LRRTM4: variants seen among roughly 807,000 people sequenced by gnomAD.
LRRTM4 encodes the protein leucine-rich repeat transmembrane neuronal protein 4.
A neutral mutation model predicts 47.6 loss-of-function variants in LRRTM4; 25 were observed. The ratio of observed to expected loss-of-function variants is 0.53; its 90% CI spans 0.38 to 0.73. The LOEUF (loss-of-function observed/expected upper bound fraction) is 0.73, where lower values mean the gene tolerates loss of function less well. LRRTM4 is among the 30% of genes least tolerant of loss of function. LRRTM4 has a pLI of 0.00. For missense variants in LRRTM4, 638 were observed against 713.4 expected (o/e 0.89, Z 1.20); for synonymous variants, 311 against 269.5 (o/e 1.15, Z -1.51).
intron 3 of LRRTM4, among the ~76,000 whole-genome samples, chr2:77,026,657 T>G (rs925892404): frequency 3.9e-5 from 6 of 151,970 alleles, no homozygotes; most frequent in Non-Finnish European, 8.8e-5. Context: ...AGCTGTTTAT[T>G]GTCATAGAAA....
chr2:77,126,642 C>T lies in LRRTM4; in HGVS notation c.1552-377726G>A, dbSNP rs182374901. On this transcript the variant is annotated intron_variant, in intron 3 of 3. Transcript: ENST00000409884. ...TCTCTCATCCTACAAGTGAAATATG[C>T]GTTGTAAAGAGAAATGGGAAGTGAC... Among the ~76,000 whole-genome samples the T allele has an allele frequency of 1.7e-3, 264 of 152,164 alleles. 1 individual carries two copies. The highest frequency in any genetic ancestry group is 2.6e-3 in the Non-Finnish European group (180 of 68,012).
chr2:77,318,088 G>A (rs1011070378), intron 3 of LRRTM4, among the ~76,000 whole-genome samples: 1 of 136,852 alleles, frequency 7.3e-6, no homozygotes, highest in Non-Finnish European at 1.5e-5. Context: ...CTCACTACAA[G>A]CTCCGCCTCC....
chr2:76,917,101 G>A (rs1018590843), intron 3 of LRRTM4, among the ~76,000 whole-genome samples: 1 of 152,172 alleles, frequency 6.6e-6, no homozygotes, highest in African/African-American at 2.4e-5. Flanking sequence ...AAAGGGCCAG[G>A]AAGTGTTTTA....
chr2:77,402,524 T>C (rs777941582), intron 3 of LRRTM4, among the ~76,000 whole-genome samples: 7 of 152,014 alleles, frequency 4.6e-5, no homozygotes, highest in African/African-American at 1.7e-4. Flanking sequence ...CACACTGGCA[T>C]TGAACATCAG....
intron 3 of LRRTM4, among the ~76,000 whole-genome samples, chr2:77,014,147 A>G (rs962900541): frequency 1.3e-5 from 2 of 152,112 alleles, no homozygotes; most frequent in African/African-American, 4.8e-5. Flanking sequence ...GCTATGGATT[A>G]GCAAGGCTGA....
chr2:77,049,124 A>T (rs796160765), intron 3 of LRRTM4, among the ~76,000 whole-genome samples: 19 of 69,784 alleles, frequency 2.7e-4, no homozygotes, highest in South Asian at 2.2e-3. Flanking sequence ...TTCATTTTTT[A>T]TATATATATA....
chr2:77,178,383 C>T (rs1176004271), intron 3 of LRRTM4, among the ~76,000 whole-genome samples: 1 of 152,008 alleles, frequency 6.6e-6, no homozygotes, highest in African/African-American at 2.4e-5. Flanking sequence ...GTCAGGAGTT[C>T]GAGACCAGCC....
intron 3 of LRRTM4, among the ~76,000 whole-genome samples, chr2:77,092,891 C>G (rs1294833254): frequency 6.8e-6 from 1 of 146,742 alleles, no homozygotes; most frequent in East Asian, 2.0e-4. Context: ...GTAGAATGGA[C>G]TAAAGGTCTT....
intron 3 of LRRTM4, among the ~76,000 whole-genome samples, chr2:77,078,602 C>T (rs1680428221): frequency 6.6e-6 from 1 of 152,092 alleles, no homozygotes; most frequent in Non-Finnish European, 1.5e-5. Flanking sequence ...TATGGTAAAA[C>T]AATTGCCATT....
intron 3 of LRRTM4, among the ~76,000 whole-genome samples, chr2:76,984,429 G>GT (rs1382430802): frequency 6.6e-6 from 1 of 151,926 alleles, no homozygotes; most frequent in African/African-American, 2.4e-5. Flanking sequence ...ACTGTTGCAT[G>GT]TTTTAGTTGT....
chr2:76,939,497 A>T (rs1303433822), intron 3 of LRRTM4, among the ~76,000 whole-genome samples: 2 of 152,006 alleles, frequency 1.3e-5, no homozygotes, highest in Non-Finnish European at 2.9e-5. Context: ...AAGGAATGCA[A>T]TTCCTGGTTG....
intron 3 of LRRTM4, among the ~76,000 whole-genome samples, chr2:76,888,048 C>T (rs1558715336): frequency 6.7e-5 from 10 of 149,758 alleles, no homozygotes. Flanking sequence ...TGTATATATA[C>T]ATATATGTGT....
At chr2:77,013,985 A>G (rs116501550) in intron 3 of LRRTM4, among the ~76,000 whole-genome samples, 1,878 of 152,290 alleles carry the variant, frequency 0.012, 40 homozygotes, top group African/African-American at 0.043. Flanking sequence ...CTTATGGAAA[A>G]TAAAGTTCCT....
chr2:76,948,154 G>C (rs1274787290), intron 3 of LRRTM4, among the ~76,000 whole-genome samples: 1 of 140,942 alleles, frequency 7.1e-6, no homozygotes, highest in African/African-American at 3.0e-5. Context: ...CAAGTGGAAA[G>C]TCTATTCAAT....
Position 76,933,407 on chromosome 2 carries a change from G to A in LRRTM4, c.1552-184491C>T, listed in dbSNP as rs141726168. Among the ~76,000 whole-genome samples the A allele has an allele frequency of 2.8e-4, 43 of 151,862 alleles. 1 individual carries two copies. Among genetic ancestry groups the A allele is most frequent in the African/African-American group, 1.0e-3 (43 of 41,488 alleles). On this transcript the variant is annotated intron_variant, in intron 3 of 3. Transcript: ENST00000409884. ...TACAAATACCTGCTTGCCTGCAGAG[G>A]TATATTTTTTTTTAGCATTGCTGTA...
intron 3 of LRRTM4, among the ~76,000 whole-genome samples, chr2:77,096,904 T>G (rs189049842): frequency 6.6e-6 from 1 of 151,958 alleles, no homozygotes; most frequent in East Asian, 1.9e-4. Flanking sequence ...TGGATGAAAC[T>G]CTTCAGTTAA....
At chr2:77,012,625 G>A (rs554661983) in intron 3 of LRRTM4, among the ~76,000 whole-genome samples, 1 of 152,136 alleles carries the variant, frequency 6.6e-6, no homozygotes, top group Non-Finnish European at 1.5e-5. Context: ...TTTAGAACTA[G>A]AAATCCCTTT....
intron 3 of LRRTM4, among the ~76,000 whole-genome samples, chr2:76,915,251 T>G (rs1012835368): frequency 6.6e-6 from 1 of 151,770 alleles, no homozygotes; most frequent in African/African-American, 2.4e-5. Flanking sequence ...TGTGGGAGAG[T>G]ATGTATCACA....
rs571065426 is a variant in LRRTM4 at position 77,275,715 on chromosome 2, G to A, written c.1551+242603C>T. Among the ~76,000 whole-genome samples the A allele has an allele frequency of 4.0e-4, 61 of 152,076 alleles. 1 individual carries two copies. Among genetic ancestry groups the A allele is most frequent in the African/African-American group, 1.4e-3 (60 of 41,476 alleles). On this transcript the variant is annotated intron_variant, in intron 3 of 3. Coordinates refer to ENST00000409884, the MANE Select transcript of LRRTM4 (RefSeq NM_001134745.3). ...GACTGGCCTTTACTCAATCTATGTAGCAGTACTAGCCAAGCTTGAACATTG... is the reference window on the plus strand; with the variant it reads ...GACTGGCCTTTACTCAATCTATGTAACAGTACTAGCCAAGCTTGAACATTG...
Sources: allele counts gnomAD v4.1 joint callset (sites outside exome capture counted in the v4.1 genomes callset), GRCh38; gene constraint gnomAD v4.1.1; transcripts MANE v1.5; gene names NCBI Gene and HGNC (gene_info 2026-07-23, HGNC 2026-07-21).